Variants in RPRD2 observed in about 807,000 individuals in gnomAD.
RPRD2 encodes the protein regulation of nuclear pre-mRNA domain-containing protein 2.
In RPRD2, 12 loss-of-function variants were observed where a neutral mutation model predicts 104.4. That is an observed-to-expected ratio of 0.11 (90% confidence interval 0.07 to 0.19). RPRD2 has a LOEUF of 0.19. RPRD2 is among the 10% of genes least tolerant of loss of function. The pLI, the probability that RPRD2 is intolerant of heterozygous loss-of-function variation, is 1.00. For synonymous variants in RPRD2, 714 were observed against 684.9 expected (o/e 1.04, Z -0.66); for missense variants, 1,543 against 1,790.1 (o/e 0.86, Z 2.49).
rs1572474770 is a variant in RPRD2, at chr1:150,437,236, C to CCTA, written c.336-3687_336-3686insCTA. On this transcript the variant is annotated intron_variant, in intron 2 of 10. Transcript: ENST00000369068. ...TAAGGCCAGGCATGGTGGCTTTTAA[C>CCTA]ACCTGTAATCCCAACACTTTGGAGG... Among the ~76,000 whole-genome samples, 3 of 152,218 alleles carry CCTA rather than the reference C, an allele frequency of 2.0e-5. No individual in the cohort carries two copies. In the East Asian group the frequency reaches 5.8e-4, roughly 29 times the overall value.
chr1:150,383,521 TG>T (rs1661313115), intron 1 of RPRD2, among the ~76,000 whole-genome samples: 1 of 151,990 alleles, frequency 6.6e-6, no homozygotes, highest in Non-Finnish European at 1.5e-5. Context: ...TTTGCCGTGT[TG>T]GTCAGGCTGG....
intron 1 of RPRD2, among the ~76,000 whole-genome samples, chr1:150,391,584 T>C (rs1296522359): frequency 6.6e-6 from 1 of 152,226 alleles, no homozygotes; most frequent in African/African-American, 2.4e-5. Context: ...GAACATTTCC[T>C]GTATGAGATA....
At chr1:150,413,995 A>G (rs1553888133) in intron 1 of RPRD2, among the ~76,000 whole-genome samples, 2 of 152,140 alleles carry the variant, frequency 1.3e-5, no homozygotes, top group Admixed American at 1.3e-4. Context: ...TGGGAGGCTG[A>G]GGTGGGAGGA....
chr1:150,455,228 G>C (rs1667444285), intron 7 of RPRD2, among the ~76,000 whole-genome samples: 1 of 152,178 alleles, frequency 6.6e-6, no homozygotes, highest in South Asian at 2.1e-4. Flanking sequence ...TCCAGGCCGG[G>C]CGCGATGGCT....
At chr1:150,468,713 CT>C (rs1406640738) in intron 10 of RPRD2, among the ~76,000 whole-genome samples, 1 of 151,940 alleles carries the variant, frequency 6.6e-6, no homozygotes, top group African/African-American at 2.4e-5. Context: ...CTTGTCTCTA[CT>C]AAAAATAAAA....
At chr1:150,384,639 TTGTGTGTGTGTGTG>T (rs71086504) in intron 1 of RPRD2, among the ~76,000 whole-genome samples, 14,007 of 133,348 alleles carry the variant, frequency 0.11, 938 homozygotes, top group African/African-American at 0.17. Flanking sequence ...CCTGGCTAAT[TTGTGTGTGTGTGTG>T]TGTGTGTGTG....
chr1:150,376,099 AGTTTTTAAAAAT>A (rs1660663668), intron 1 of RPRD2, among the ~76,000 whole-genome samples: 1 of 152,240 alleles, frequency 6.6e-6, no homozygotes, highest in Non-Finnish European at 1.5e-5. Context: ...AGATAAAGAT[AGTTTTTAAAAAT>A]GCTTCATTCT....
chr1:150,447,200 C>T (rs1483409369), intron 7 of RPRD2, among the ~76,000 whole-genome samples: 1 of 151,724 alleles, frequency 6.6e-6, no homozygotes, highest in Admixed American at 6.6e-5. Flanking sequence ...TGAACTCCTG[C>T]CCACCTTGGC....
intron 1 of RPRD2, among the ~76,000 whole-genome samples, chr1:150,398,820 G>A (rs1553884759): frequency 1.3e-5 from 2 of 152,024 alleles, no homozygotes; most frequent in Non-Finnish European, 1.5e-5. Context: ...TGTGGTTACA[G>A]GCATGAGACA....
At chr1:150,428,704 A>G (rs1437294277) in intron 2 of RPRD2, among the ~76,000 whole-genome samples, 1 of 152,112 alleles carries the variant, frequency 6.6e-6, no homozygotes, top group Non-Finnish European at 1.5e-5. Flanking sequence ...GACCTGTAAG[A>G]CAGCACATTA....
chr1:150,401,971 T>A (rs11807952), intron 1 of RPRD2, among the ~76,000 whole-genome samples: 32,271 of 141,300 alleles, frequency 0.23, 3,963 homozygotes, highest in African/African-American at 0.34. Context: ...TTTTTTTTTT[T>A]AATTTTTTGA....
intron 2 of RPRD2, among the ~76,000 whole-genome samples, chr1:150,434,044 A>G (rs781815347): frequency 6.6e-6 from 1 of 152,160 alleles, no homozygotes; most frequent in Non-Finnish European, 1.5e-5. Flanking sequence ...ATGGTGAGTC[A>G]TGCTAGCAGT....
intron 2 of RPRD2, among the ~76,000 whole-genome samples, chr1:150,420,234 C>T (rs1307419806): frequency 6.6e-6 from 1 of 152,076 alleles, no homozygotes; most frequent in Non-Finnish European, 1.5e-5. Flanking sequence ...GATTAATATA[C>T]AGTTGCCAAC....
chr1:150,447,852 C>T (rs924847228), intron 7 of RPRD2, among the ~76,000 whole-genome samples: 1 of 152,108 alleles, frequency 6.6e-6, no homozygotes, highest in Non-Finnish European at 1.5e-5. Flanking sequence ...CTGGCATTTG[C>T]TCCCATATTT....
At chr1:150,435,270 C>T (rs782269771) in intron 2 of RPRD2, among the ~76,000 whole-genome samples, 8 of 152,196 alleles carry the variant, frequency 5.3e-5, no homozygotes, top group Non-Finnish European at 1.0e-4. Flanking sequence ...TTCCCTGAGA[C>T]ACCACAATAT....
At chr1:150,398,803 A>G (rs1354066833) in intron 1 of RPRD2, among the ~76,000 whole-genome samples, 1 of 152,118 alleles carries the variant, frequency 6.6e-6, no homozygotes, top group East Asian at 1.9e-4. Context: ...TCAGCCTCCC[A>G]AAGTGCTGTG....
At chr1:150,398,915 G>C (rs1662755718) in intron 1 of RPRD2, among the ~76,000 whole-genome samples, 1 of 152,102 alleles carries the variant, frequency 6.6e-6, no homozygotes, top group South Asian at 2.1e-4. Flanking sequence ...AATGTTAACA[G>C]ATGATATTTT....
rs751587564 is a variant in RPRD2, at chr1:150,384,615, C to T, written c.205+19696C>T. Among the ~76,000 whole-genome samples, 4 of 150,072 alleles carry T rather than the reference C, an allele frequency of 2.7e-5. No homozygotes were observed. In the East Asian group the frequency reaches 5.9e-4, roughly 22 times the overall value. ...GCCTCCAAGTAGTTGGGATTACAGG[C>T]GCCTGCCACCACGCCTGGCTAATTT... On this transcript the variant is annotated intron_variant, in intron 1 of 10. Coordinates refer to ENST00000369068, the MANE Select transcript of RPRD2 (RefSeq NM_015203.5).
chr1:150,385,087 G>A lies in RPRD2; in HGVS notation c.205+20168G>A, dbSNP rs146006305. ...CAATAAATGGTGATTGTAACACTGA[G>A]CCAAGATTACTTTTTGTAATACTAG... On this transcript the variant is annotated intron_variant, in intron 1 of 10. Transcript: ENST00000369068. Among the ~76,000 whole-genome samples, 9 of 152,228 alleles carry A rather than the reference G, an allele frequency of 5.9e-5. No individual in the cohort carries two copies. The East Asian group carries it at 1.7e-3, about 29-fold the overall frequency.
Sources: allele counts gnomAD v4.1 joint callset (sites outside exome capture counted in the v4.1 genomes callset), GRCh38; gene constraint gnomAD v4.1.1; transcripts MANE v1.5; gene names NCBI Gene and HGNC (gene_info 2026-07-23, HGNC 2026-07-21).